The following DOCK8 variants were observed in gnomAD, a reference collection of about 807,000 sequenced individuals.
The protein encoded by DOCK8 is dedicator of cytokinesis protein 8.
In DOCK8, 141 loss-of-function variants were observed where a neutral mutation model predicts 245.6. That is an observed-to-expected ratio of 0.57 (90% CI 0.50 to 0.66). The LOEUF (loss-of-function observed/expected upper bound fraction) is 0.66, where lower values mean the gene tolerates loss of function less well. DOCK8 is among the 30% of genes least tolerant of loss of function. DOCK8 has a pLI of 0.00. For synonymous variants in DOCK8, 1,168 were observed against 970.2 expected, an observed-to-expected ratio of 1.20 and a Z score of -3.79; for missense variants, 2,965 against 2,603.4, an observed-to-expected ratio of 1.14 and a Z score of -3.02.
At chr9:364,815 T>C (rs576107039) in intron 14 of DOCK8, among the ~76,000 whole-genome samples, 6 of 152,174 alleles carry the variant, frequency 3.9e-5, no homozygotes, top group Non-Finnish European at 5.9e-5. Context: ...TGGGCACATA[T>C]TGCTTTCATA....
intron 5 of DOCK8, among the ~76,000 whole-genome samples, chr9:311,204 G>C (rs1412822412): frequency 6.6e-6 from 1 of 151,708 alleles, no homozygotes; most frequent in Non-Finnish European, 1.5e-5. Context: ...AGAATTGCTT[G>C]AACCTGGGAG....
At chr9:403,619 T>G (rs1444397395) in intron 26 of DOCK8, among the ~76,000 whole-genome samples, 1 of 151,964 alleles carries the variant, frequency 6.6e-6, no homozygotes, top group Non-Finnish European at 1.5e-5. Flanking sequence ...ATCCCAGCAC[T>G]TTGGGAGGCC....
intron 5 of DOCK8, among the ~76,000 whole-genome samples, chr9:306,937 A>G (rs78732021): frequency 0.054 from 8,173 of 152,208 alleles, 291 homozygotes; most frequent in African/African-American, 0.09. Context: ...AAACCTCATG[A>G]AGCCTGGACT....
At position 235,519 on chromosome 9, in the gene DOCK8, G is replaced by A. The variant is rs181574298; in HGVS notation, c.53+20490G>A. Among the ~76,000 whole-genome samples, 3 of 152,326 alleles carry A rather than the reference G, an allele frequency of 2.0e-5. No individual in the cohort carries two copies. In the East Asian group the frequency reaches 5.8e-4, roughly 29 times the overall value. ...AAGTGGAGCCTACAGAGGCAGGCAG[G>A]CCTCCTTGAGCTGTGGTGGGCTCCA... On this transcript the variant is annotated intron_variant, in intron 1 of 47. Transcript: ENST00000432829.
At chr9:316,966 C>T in intron 6 of DOCK8, 77 bp from the exon 7 acceptor site, 1 of 1,160,844 alleles carries the variant, frequency 8.6e-7, no homozygotes, top group South Asian at 1.2e-5. Context: ...GGGTAGCCTT[C>T]CCTTCCCTGG....
At chr9:246,433 G>C (rs2047507397) in intron 1 of DOCK8, among the ~76,000 whole-genome samples, 1 of 152,092 alleles carries the variant, frequency 6.6e-6, no homozygotes, top group South Asian at 2.1e-4. Flanking sequence ...GAGAGGCTAA[G>C]GCAGGAGGAT....
intron 1 of DOCK8, among the ~76,000 whole-genome samples, chr9:254,918 A>G (rs1010518511): frequency 5.9e-5 from 9 of 152,194 alleles, no homozygotes; most frequent in Admixed American, 1.3e-4. Context: ...TCAGAATCTC[A>G]GGAGGGTGGC....
At chr9:354,163 C>T (rs969935683) in intron 14 of DOCK8, among the ~76,000 whole-genome samples, 1 of 152,132 alleles carries the variant, frequency 6.6e-6, no homozygotes, top group African/African-American at 2.4e-5. Flanking sequence ...AAAACCCTGT[C>T]TTTACTAAAA....
At chr9:455,293 G>GGACAGA (rs1200840214) in intron 46 of DOCK8, among the ~76,000 whole-genome samples, 4 of 152,046 alleles carry the variant, frequency 2.6e-5, no homozygotes, top group Admixed American at 1.3e-4. Context: ...CAGGAGTTCA[G>GGACAGA]GACCAGCCTG....
intron 11 of DOCK8, among the ~76,000 whole-genome samples, chr9:334,852 T>C (rs1250886437): frequency 6.6e-6 from 1 of 151,960 alleles, no homozygotes; most frequent in Non-Finnish European, 1.5e-5. Context: ...GAGGCCGAGG[T>C]AGGCGGATCG....
chr9:253,479 G>A (rs978340896), intron 1 of DOCK8, among the ~76,000 whole-genome samples: 1 of 152,154 alleles, frequency 6.6e-6, no homozygotes, highest in Non-Finnish European at 1.5e-5. Flanking sequence ...TCTACCACCT[G>A]CAAGATTTGT....
chr9:301,082 A>G (rs370495945), intron 4 of DOCK8, among the ~76,000 whole-genome samples: 33 of 152,346 alleles, frequency 2.2e-4, no homozygotes, highest in African/African-American at 7.5e-4. Context: ...ACATCGACAC[A>G]AAAATCCTCA....
At chr9:428,330 G>C (rs2056575041) in intron 34 of DOCK8, 32 bp from the exon 35 acceptor site, 1 of 1,613,612 alleles carries the variant, frequency 6.2e-7, no homozygotes, top group Admixed American at 1.7e-5. Context: ...ACAGTGCAGG[G>C]ATTCAATGAT....
At chr9:351,288 T>G (rs1266757967) in intron 14 of DOCK8, among the ~76,000 whole-genome samples, 1 of 152,212 alleles carries the variant, frequency 6.6e-6, no homozygotes, top group African/African-American at 2.4e-5. Context: ...GAAATCAGTT[T>G]TTCTATAGTC....
At chr9:214,603 TG>T (rs753726883), upstream of DOCK8, 1 of 1,613,828 alleles carries the variant, frequency 6.2e-7, no homozygotes, top group African/African-American at 1.3e-5. Context: ...TTCGGGCAGA[TG>T]GAGCTTCCGG....
chr9:262,449 A>G (rs1308311706), intron 1 of DOCK8, among the ~76,000 whole-genome samples: 3 of 148,744 alleles, frequency 2.0e-5, no homozygotes, highest in Non-Finnish European at 1.5e-5. Context: ...GAATGGATTT[A>G]AAAAAAACCA....
At chr9:259,043 A>G (rs1489750162) in intron 1 of DOCK8, among the ~76,000 whole-genome samples, 1 of 152,140 alleles carries the variant, frequency 6.6e-6, no homozygotes, top group Non-Finnish European at 1.5e-5. Flanking sequence ...GTGGTGGTTC[A>G]TGCCTATAAT....
At chr9:359,145 C>G (rs1328500766) in intron 14 of DOCK8, among the ~76,000 whole-genome samples, 1 of 152,084 alleles carries the variant, frequency 6.6e-6, no homozygotes, top group Non-Finnish European at 1.5e-5. Flanking sequence ...ATTGGACTGC[C>G]CTTTGAGTAG....
intron 1 of DOCK8, among the ~76,000 whole-genome samples, chr9:262,117 T>A (rs2047932996): frequency 6.6e-6 from 1 of 152,018 alleles, no homozygotes; most frequent in Admixed American, 6.6e-5. Context: ...AAATAAAGTG[T>A]CTCTTCATGA....
Sources: gnomAD v4.1 joint callset for allele counts (sites outside exome capture counted in the v4.1 genomes callset) on GRCh38, gnomAD v4.1.1 for gene constraint, MANE v1.5 for transcripts, NCBI Gene and HGNC (gene_info 2026-07-23, HGNC 2026-07-21) for gene names.